The following NEGR1 variants were observed in gnomAD, a reference collection of about 807,000 sequenced individuals.
NEGR1 encodes IgLON family member 4.
NEGR1 carries 10 observed loss-of-function variants against 40.9 expected under a neutral mutation model. The ratio of observed to expected loss-of-function variants is 0.24; its 90% CI spans 0.15 to 0.42. The LOEUF is 0.42. Among genes scored for constraint, NEGR1 ranks in the 10% least tolerant of loss-of-function variants. The probability of loss-of-function intolerance (pLI) is 1.00; values close to 1 mark genes in which losing one functional copy is unlikely to be tolerated. For synonymous variants in NEGR1, 185 were observed against 166.8 expected, an observed-to-expected ratio of 1.11 and a Z score of -0.84; for missense variants, 352 against 438.9, an observed-to-expected ratio of 0.80 and a Z score of 1.77.
At chr1:71,808,171 C>A (rs1213304124) in intron 2 of NEGR1, among the ~76,000 whole-genome samples, 1 of 152,114 alleles carries the variant, frequency 6.6e-6, no homozygotes, top group Non-Finnish European at 1.5e-5. Context: ...AAAGTTGCAA[C>A]TCTTAAGAGG....
At chr1:71,414,721 T>C (rs1274504461) in intron 6 of NEGR1, among the ~76,000 whole-genome samples, 1 of 152,182 alleles carries the variant, frequency 6.6e-6, no homozygotes, top group Non-Finnish European at 1.5e-5. Context: ...CCCTCTGTAG[T>C]CTTTTTCTCC....
At chr1:71,556,247 T>C (rs191608613) in intron 6 of NEGR1, among the ~76,000 whole-genome samples, 250 of 151,708 alleles carry the variant, frequency 1.6e-3, no homozygotes, top group South Asian at 3.3e-3. Flanking sequence ...ATTTGAAGCA[T>C]AGAACTCACA....
intron 1 of NEGR1, among the ~76,000 whole-genome samples, chr1:71,982,434 A>G (rs539216996): frequency 6.6e-6 from 1 of 152,320 alleles, no homozygotes; most frequent in South Asian, 2.1e-4. Flanking sequence ...CAGCCAGCCT[A>G]GAATTCCAGC....
At chr1:72,028,766 T>C (rs1646832845) in intron 1 of NEGR1, among the ~76,000 whole-genome samples, 1 of 152,216 alleles carries the variant, frequency 6.6e-6, no homozygotes, top group Non-Finnish European at 1.5e-5. Flanking sequence ...TACCACTTTG[T>C]TTCATATTCC....
intron 2 of NEGR1, among the ~76,000 whole-genome samples, chr1:71,878,660 T>C (rs1429042934): frequency 3.3e-5 from 5 of 150,238 alleles, no homozygotes; most frequent in African/African-American, 1.2e-4. Context: ...AGACATGAAA[T>C]AGTTGCAGTT....
intron 2 of NEGR1, among the ~76,000 whole-genome samples, chr1:71,849,919 T>C (rs563395356): frequency 4.6e-5 from 7 of 152,308 alleles, no homozygotes; most frequent in African/African-American, 1.7e-4. Context: ...ATAACTTTTA[T>C]ATGCACTGGG....
chr1:71,610,089 C>G (rs757478673), intron 5 of NEGR1, among the ~76,000 whole-genome samples: 2 of 152,158 alleles, frequency 1.3e-5, no homozygotes, highest in Non-Finnish European at 1.5e-5. Flanking sequence ...TCAATTAAAC[C>G]TCTCTCCTTT....
At chr1:71,479,652 C>A (rs1000472318) in intron 6 of NEGR1, among the ~76,000 whole-genome samples, 39 of 152,040 alleles carry the variant, frequency 2.6e-4, no homozygotes, top group African/African-American at 9.2e-4. Flanking sequence ...ACTGTTTTCG[C>A]ACCAATCCCA....
intron 4 of NEGR1, among the ~76,000 whole-genome samples, chr1:71,652,551 C>G (rs1284541002): frequency 6.6e-6 from 1 of 152,082 alleles, no homozygotes; most frequent in South Asian, 2.1e-4. Context: ...GCCAACAAAG[C>G]CTAAAATATT....
At chr1:71,604,972 T>C (rs1650032620) in intron 5 of NEGR1, among the ~76,000 whole-genome samples, 1 of 152,134 alleles carries the variant, frequency 6.6e-6, no homozygotes, top group East Asian at 1.9e-4. Context: ...TTTAAACTAG[T>C]ATATCGATAA....
chr1:72,212,524 A>G (rs960049775), intron 1 of NEGR1, among the ~76,000 whole-genome samples: 3 of 151,928 alleles, frequency 2.0e-5, no homozygotes, highest in African/African-American at 7.2e-5. Flanking sequence ...CAAATGTACA[A>G]TTTCTGAGGA....
At chr1:71,921,966 G>A (rs1311440314) in intron 2 of NEGR1, among the ~76,000 whole-genome samples, 1 of 151,946 alleles carries the variant, frequency 6.6e-6, no homozygotes, top group Non-Finnish European at 1.5e-5. Flanking sequence ...GTCTAATACA[G>A]AGAAGTTTTT....
At chr1:72,256,953 C>T (rs1655289856) in intron 1 of NEGR1, among the ~76,000 whole-genome samples, 1 of 152,124 alleles carries the variant, frequency 6.6e-6, no homozygotes, top group Non-Finnish European at 1.5e-5. Flanking sequence ...AGAAGTAACA[C>T]AAACACTCAT....
chr1:71,564,032 A>C (rs1036647900), intron 6 of NEGR1, among the ~76,000 whole-genome samples: 13 of 152,054 alleles, frequency 8.5e-5, no homozygotes, highest in African/African-American at 2.4e-5. Flanking sequence ...AATGGAAGGA[A>C]AAAGGCCAAA....
chr1:72,013,160 G>A (rs1035182054), intron 1 of NEGR1, among the ~76,000 whole-genome samples: 1 of 151,896 alleles, frequency 6.6e-6, no homozygotes, highest in Non-Finnish European at 1.5e-5. Context: ...ATGGACCCCA[G>A]AGACAAAAAT....
At chr1:71,960,324 C>T (rs1476879066) in intron 1 of NEGR1, among the ~76,000 whole-genome samples, 2 of 152,144 alleles carry the variant, frequency 1.3e-5, no homozygotes, top group Non-Finnish European at 2.9e-5. Flanking sequence ...CTTTGGAACT[C>T]ACTTCTTGAA....
chr1:72,217,708 T>A (rs902823929), intron 1 of NEGR1, among the ~76,000 whole-genome samples: 17 of 151,842 alleles, frequency 1.1e-4, no homozygotes, highest in African/African-American at 4.1e-4. Flanking sequence ...AAATAATGAT[T>A]TGTCTTTGTG....
At chr1:71,968,266 C>A (rs147287769) in intron 1 of NEGR1, among the ~76,000 whole-genome samples, 6 of 152,300 alleles carry the variant, frequency 3.9e-5, no homozygotes, top group African/African-American at 1.4e-4. Flanking sequence ...ACACAGTACC[C>A]TGCCAATGTG....
chr1:71,621,880 C>T (rs529027104), intron 4 of NEGR1, among the ~76,000 whole-genome samples: 25 of 151,882 alleles, frequency 1.6e-4, no homozygotes, highest in African/African-American at 6.0e-4. Context: ...GATGAGTATG[C>T]ACATGTTAGA....
Sources: allele counts gnomAD v4.1 joint callset (sites outside exome capture counted in the v4.1 genomes callset), GRCh38; gene constraint gnomAD v4.1.1; transcripts MANE v1.5; gene names NCBI Gene and HGNC (gene_info 2026-07-23, HGNC 2026-07-21).